The following UBE2K variants were observed in gnomAD, a reference collection of about 807,000 sequenced individuals.
The protein encoded by UBE2K is ubiquitin-conjugating enzyme E2 K.
In UBE2K, 6 loss-of-function variants were observed where a neutral mutation model predicts 30.0. That is an observed-to-expected ratio of 0.20 (90% CI 0.11 to 0.39). UBE2K has a LOEUF of 0.39. Among genes scored for constraint, UBE2K ranks in the 10% least tolerant of loss-of-function variants. UBE2K has a pLI of 1.00. For missense variants in UBE2K, 61 were observed against 241.6 expected (o/e 0.25, Z 4.96); for synonymous variants, 86 against 83.7 (o/e 1.03, Z -0.15).
At chr4:39,715,851 A>ATTTG (rs3070777) in intron 1 of UBE2K, among the ~76,000 whole-genome samples, 125,546 of 151,598 alleles carry the variant, frequency 0.83, 52,458 homozygotes, top group African/African-American at 0.94. Context: ...GTTTTTTTTT[A>ATTTG]TTTATTTTTT....
At chr4:39,722,904 T>A (rs1048038483) in intron 1 of UBE2K, among the ~76,000 whole-genome samples, 14 of 151,550 alleles carry the variant, frequency 9.2e-5, no homozygotes, top group Admixed American at 7.9e-4. Flanking sequence ...CAAGTGATTC[T>A]CCTGCCTCAG....
intron 1 of UBE2K, among the ~76,000 whole-genome samples, chr4:39,707,326 T>C (rs1718423011): frequency 6.6e-6 from 1 of 151,834 alleles, no homozygotes; most frequent in African/African-American, 2.4e-5. Flanking sequence ...GTTCTCCTGC[T>C]TGACCCAGTA....
intron 1 of UBE2K, among the ~76,000 whole-genome samples, chr4:39,719,600 A>G (rs1354508585): frequency 6.6e-6 from 1 of 152,206 alleles, no homozygotes. Context: ...GTGATTAGAA[A>G]TGTAGGACCA....
intron 4 of UBE2K, among the ~76,000 whole-genome samples, chr4:39,762,409 T>C (rs1387751404): frequency 2.0e-5 from 3 of 152,008 alleles, no homozygotes; most frequent in Non-Finnish European, 4.4e-5. Context: ...TGTTTTTGCA[T>C]TGCCATAAAG....
intron 1 of UBE2K, among the ~76,000 whole-genome samples, chr4:39,731,709 C>G (rs1455988006): frequency 6.6e-6 from 1 of 152,040 alleles, no homozygotes; most frequent in East Asian, 1.9e-4. Flanking sequence ...GAGTGTATTT[C>G]TTAGGCCTTT....
At chr4:39,773,715 A>C (rs1378510772) in intron 4 of UBE2K, among the ~76,000 whole-genome samples, 1 of 151,896 alleles carries the variant, frequency 6.6e-6, no homozygotes, top group Admixed American at 6.6e-5. Flanking sequence ...AGGTCAGGAG[A>C]TCGAGACCAT....
At chr4:39,711,839 A>C (rs1478024932) in intron 1 of UBE2K, among the ~76,000 whole-genome samples, 2 of 151,632 alleles carry the variant, frequency 1.3e-5, no homozygotes, top group Non-Finnish European at 2.9e-5. Flanking sequence ...GGAGTTCCAG[A>C]CCAGCCTGAA....
Position 39,725,296 on chromosome 4 carries a change from T to C in UBE2K, c.64-12124T>C, listed in dbSNP as rs991261897. Among the ~76,000 whole-genome samples, 3 of 143,230 alleles carry C rather than the reference T, an allele frequency of 2.1e-5. No homozygotes were observed. The East Asian group carries it at 6.3e-4, about 30-fold the overall frequency. 94.0% of individuals were successfully genotyped at this position (143,230 alleles called of 152,430 possible). ...TACTCAGGAGGCTGAGGTAGGATCA[T>C]CTGAACCCGGGAGGCAGTTTGCAGT... On this transcript the variant is annotated intron_variant, in intron 1 of 6. Coordinates refer to ENST00000261427, the MANE Select transcript of UBE2K (RefSeq NM_005339.5).
intron 4 of UBE2K, among the ~76,000 whole-genome samples, chr4:39,772,687 G>T (rs1712976332): frequency 1.4e-5 from 2 of 144,336 alleles, no homozygotes; most frequent in South Asian, 4.3e-4. Flanking sequence ...AATTGATAAA[G>T]CAACTTTTTT....
At chr4:39,717,999 A>C (rs1482875086) in intron 1 of UBE2K, among the ~76,000 whole-genome samples, 1 of 152,032 alleles carries the variant, frequency 6.6e-6, no homozygotes, top group Non-Finnish European at 1.5e-5. Flanking sequence ...TGTGGACCCA[A>C]AGAGTGAGCA....
Position 39,714,544 on chromosome 4 carries a change from A to ATTTTTTTTTTTTT in UBE2K, c.63+16155_63+16156insTTTTTTTTTTTTT, listed in dbSNP as rs1337587267. On this transcript the variant is annotated intron_variant, in intron 1 of 6. Transcript: ENST00000261427. ...TATATATATATATATATATATATAT[A>ATTTTTTTTTTTTT]TATATATTTTTTTTTTTTTTTAAGA... is the stretch of plus-strand genomic sequence containing the variant. 1.7e-3 allele frequency: 35 copies of ATTTTTTTTTTTTT among 21,078 alleles called. 2 individuals carry two copies. The highest frequency in any genetic ancestry group is 3.7e-3 in the Admixed American group (4 of 1,086). 1.3% of individuals were successfully genotyped at this position (21,078 alleles called of 1,614,324 possible). A position where few individuals can be genotyped will look rare whatever the true frequency, so the allele number is the denominator to read the frequency against.
intron 1 of UBE2K, among the ~76,000 whole-genome samples, chr4:39,704,189 G>C (rs1042226949): frequency 3.9e-5 from 6 of 151,972 alleles, no homozygotes; most frequent in East Asian, 1.9e-4. Flanking sequence ...CTGGGAGGTC[G>C]AGGCTGCAGT....
Position 39,781,822 on chromosome 4 carries a change from T to A in UBE2K, c.*3388T>A. ...AGTTCAAGGAATTTCAATTCCAGGG[T>A]ACAAACCATTGATTTAAAAATTACG... is the stretch of plus-strand genomic sequence containing the variant. On this transcript the variant is annotated 3_prime_UTR_variant, in exon 7 of 7. Transcript: ENST00000261427. The A allele has an allele frequency of 2.5e-6, 1 of 397,464 alleles. No homozygotes were observed. Among genetic ancestry groups the A allele is most frequent in the Non-Finnish European group, 4.4e-6 (1 of 225,302 alleles). 24.6% of individuals were successfully genotyped at this position (397,464 alleles called of 1,614,324 possible). A position where few individuals can be genotyped will look rare whatever the true frequency, so the allele number is the denominator to read the frequency against.
At chr4:39,740,584 C>A (rs1354658146) in intron 2 of UBE2K, among the ~76,000 whole-genome samples, 1 of 150,532 alleles carries the variant, frequency 6.6e-6, no homozygotes, top group Non-Finnish European at 1.5e-5. Flanking sequence ...TTCTTATGGC[C>A]GAGTGCGGTG....
At chr4:39,770,713 C>G (rs983809538) in intron 4 of UBE2K, 6 of 1,573,398 alleles carry the variant, frequency 3.8e-6, no homozygotes, top group Non-Finnish European at 5.2e-6. Context: ...GCCAGCTCCC[C>G]AAGGTGGCCA....
intron 1 of UBE2K, among the ~76,000 whole-genome samples, chr4:39,722,091 C>CA (rs369754193): frequency 4.6e-5 from 7 of 151,148 alleles, no homozygotes; most frequent in Middle Eastern, 3.4e-3. Context: ...ACCCTGTCTC[C>CA]AAAAAAAACC....
intron 1 of UBE2K, among the ~76,000 whole-genome samples, chr4:39,706,411 G>T (rs1433495799): frequency 6.6e-6 from 1 of 150,954 alleles, no homozygotes; most frequent in Admixed American, 6.6e-5. Context: ...TGATCTGCCT[G>T]CCTGGGCCTC....
chr4:39,736,017 T>TGG (rs1720359869), intron 1 of UBE2K, among the ~76,000 whole-genome samples: 1 of 152,110 alleles, frequency 6.6e-6, no homozygotes, highest in African/African-American at 2.4e-5. Context: ...ATTGTGGTTT[T>TGG]TTTTTTTGGG....
intron 4 of UBE2K, among the ~76,000 whole-genome samples, chr4:39,763,596 A>G (rs561580123): frequency 2.0e-5 from 3 of 152,152 alleles, no homozygotes; most frequent in African/African-American, 4.8e-5. Context: ...GTCATCACCA[A>G]TGGGGTGGCA....
Sources: gnomAD v4.1 joint callset for allele counts (sites outside exome capture counted in the v4.1 genomes callset) on GRCh38, gnomAD v4.1.1 for gene constraint, MANE v1.5 for transcripts, NCBI Gene and HGNC (gene_info 2026-07-23, HGNC 2026-07-21) for gene names.